CFAP57: variants seen among roughly 807,000 people sequenced by gnomAD.
CFAP57 encodes cilia and flagella associated protein 57.
CFAP57 carries 116 observed loss-of-function variants against 146.8 expected under a neutral mutation model. The ratio of observed to expected loss-of-function variants is 0.79; its 90% CI spans 0.68 to 0.92. The LOEUF is 0.92. Ranked by LOEUF, CFAP57 falls within the 40% of genes least tolerant of loss-of-function variation. CFAP57 has a pLI of 0.00. For missense variants in CFAP57, 1,377 were observed against 1,527.2 expected, an observed-to-expected ratio of 0.90 and a Z score of 1.64; for synonymous variants, 518 against 552.8, an observed-to-expected ratio of 0.94 and a Z score of 0.88.
At chr1:43,241,463 A>G (rs938877102) in intron 21 of CFAP57, among the ~76,000 whole-genome samples, 1 of 152,024 alleles carries the variant, frequency 6.6e-6, no homozygotes, top group Admixed American at 6.5e-5. Context: ...TGGGTTCCAC[A>G]GGTACCTCCC....
At chr1:43,241,824 T>C (rs1645936079) in intron 21 of CFAP57, among the ~76,000 whole-genome samples, 1 of 152,166 alleles carries the variant, frequency 6.6e-6, no homozygotes, top group African/African-American at 2.4e-5. Context: ...GAGGAACTGC[T>C]GTAGACAAGC....
At chr1:43,186,981 C>A (rs1231327102) in intron 6 of CFAP57, 122 bp downstream of exon 6, 1 of 1,130,620 alleles carries the variant, frequency 8.8e-7, no homozygotes, top group Non-Finnish European at 1.3e-6. Flanking sequence ...CCCCTTAATA[C>A]AGAGCAAAAC....
chr1:43,197,994 C>T (rs1643938009), intron 7 of CFAP57, among the ~76,000 whole-genome samples: 1 of 152,156 alleles, frequency 6.6e-6, no homozygotes, highest in African/African-American at 2.4e-5. Context: ...TCTCCTATCC[C>T]CTTGTTTCCC....
chr1:43,249,218 G>A lies in CFAP57; in HGVS notation c.3539-4759G>A, dbSNP rs1428809743. On this transcript the variant is annotated intron_variant, in intron 22 of 22. Transcript: ENST00000372492. ...TCCAGCCCATAACCCTTTCTTAATT[G>A]GAAATGACCCAGATACCCACATAGC... 2.6e-5 allele frequency among the ~76,000 whole-genome samples: 4 copies of A among 151,556 alleles called. No homozygotes were observed. The East Asian group carries it at 7.8e-4, about 29-fold the overall frequency.
chr1:43,204,862 A>G (rs1644291070), intron 9 of CFAP57, among the ~76,000 whole-genome samples: 2 of 152,146 alleles, frequency 1.3e-5, no homozygotes, highest in African/African-American at 2.4e-5. Flanking sequence ...GGGCATGCAC[A>G]GAGTCTTCCA....
intron 21 of CFAP57, among the ~76,000 whole-genome samples, chr1:43,236,647 C>G (rs1328682136): frequency 7.0e-6 from 1 of 143,134 alleles, no homozygotes; most frequent in Non-Finnish European, 1.5e-5. Flanking sequence ...CAGTGGCTCA[C>G]GCCTGTAATC....
rs1429576483 is a variant in CFAP57, at chr1:43,206,710, TCTC to T, written c.1543-7_1543-5del. ...ACACTCTTCACTGGATATGTCTTCC[TCTC>T]CTGCAGATTCGCTCAATTGTGTGGA... On this transcript the variant is annotated splice_region_variant and splice_polypyrimidine_tract_variant and intron_variant, in intron 9 of 22. Transcript: ENST00000372492. 1 of 1,607,688 alleles carries T rather than the reference TCTC, an allele frequency of 6.2e-7. No individual in the cohort carries two copies. The highest frequency in any genetic ancestry group is 1.8e-5 in the Admixed American group (1 of 54,348).
In CFAP57 at chr1:43,198,499, G is replaced by A. The variant is rs144486471; in HGVS notation, c.1281G>A (p.Lys427=). ...NYETNTLELF[K]EYQEEAYSIS... The stretch of plus-strand genomic sequence containing the variant: ...TTCACAGCACCCTGGAACTATTTAA[G>A]GAATACCAAGAAGAGGCATATTCCA... Residue 427 remains lysine, a synonymous_variant, in exon 8 of 23, where the codon AAG becomes AAA. Coordinates refer to ENST00000372492, the MANE Select transcript of CFAP57 (RefSeq NM_001378189.1). 6.2e-7 allele frequency: 1 copy of A among 1,613,880 alleles called. No homozygotes were observed. Among genetic ancestry groups the A allele is most frequent in the African/African-American group, 1.3e-5 (1 of 74,896 alleles).
chr1:43,203,040 G>A (rs889098149), intron 9 of CFAP57, among the ~76,000 whole-genome samples: 10 of 151,752 alleles, frequency 6.6e-5, no homozygotes, highest in African/African-American at 2.4e-4. Flanking sequence ...GAGCATGGTG[G>A]TGGGCACCTG....
intron 6 of CFAP57, among the ~76,000 whole-genome samples, chr1:43,192,875 C>T (rs1456474247): frequency 4.0e-5 from 6 of 151,796 alleles, no homozygotes; most frequent in African/African-American, 1.5e-4. Context: ...TGCGGTGAGC[C>T]GAGATCATGC....
intron 10 of CFAP57, 110 bp downstream of exon 10, chr1:43,207,042 C>A: frequency 9.3e-7 from 1 of 1,073,846 alleles, no homozygotes; most frequent in Non-Finnish European, 1.4e-6. Flanking sequence ...CATACAGGGC[C>A]CCTTCTTCCC....
chr1:43,185,913 G>C (rs911121612), intron 5 of CFAP57, among the ~76,000 whole-genome samples: 2 of 151,508 alleles, frequency 1.3e-5, no homozygotes, highest in South Asian at 4.2e-4. Context: ...TTGAGACTCT[G>C]TCTCAAAAAA....
chr1:43,197,906 A>G (rs1643933017), intron 7 of CFAP57, among the ~76,000 whole-genome samples: 2 of 152,246 alleles, frequency 1.3e-5, no homozygotes, highest in South Asian at 4.1e-4. Flanking sequence ...ACCACATGCT[A>G]GACACTGGGG....
At chr1:43,214,670 A>G (rs1644766770) in intron 11 of CFAP57, among the ~76,000 whole-genome samples, 1 of 152,136 alleles carries the variant, frequency 6.6e-6, no homozygotes, top group South Asian at 2.1e-4. Context: ...GTAAGTGTAT[A>G]TTCAGGTTTG....
chr1:43,195,302 T>C (rs1268298799), intron 6 of CFAP57, among the ~76,000 whole-genome samples: 1 of 151,976 alleles, frequency 6.6e-6, no homozygotes, highest in Non-Finnish European at 1.5e-5. Flanking sequence ...GGCGGGTGGA[T>C]CACAAGGTCA....
chr1:43,221,323 A>T, intron 13 of CFAP57, 49 bp from the exon 14 acceptor site: 1 of 1,373,618 alleles, frequency 7.3e-7, no homozygotes, highest in Non-Finnish European at 9.9e-7. Flanking sequence ...TTGCCCTAGT[A>T]GTGCTTTCAG....
intron 10 of CFAP57, among the ~76,000 whole-genome samples, chr1:43,208,819 AAT>A (rs927155739): frequency 2.0e-5 from 3 of 151,678 alleles, no homozygotes; most frequent in Admixed American, 6.6e-5. Flanking sequence ...AGAAAAAAAA[AAT>A]ATGTGTGTAG....
chr1:43,221,495 T>C, intron 14 of CFAP57, 30 bp downstream of exon 14: 1 of 1,454,876 alleles, frequency 6.9e-7, no homozygotes, highest in Non-Finnish European at 9.1e-7. Flanking sequence ...CCTCGTTGGT[T>C]AGGGTTGGAA....
chr1:43,172,433 T>C lies in CFAP57; in HGVS notation c.-40T>C. 6.4e-7 allele frequency: 1 copy of C among 1,550,550 alleles called. No homozygotes were observed. The highest frequency in any genetic ancestry group is 8.7e-7 in the Non-Finnish European group (1 of 1,146,526). ...GCCTCTGGATACATGCGTGGTCTGC[T>C]GACCCAGAGAGAAACGAAAGGTGGG... On this transcript the variant is annotated 5_prime_UTR_variant, in exon 1 of 23. Coordinates refer to ENST00000372492, the MANE Select transcript of CFAP57 (RefSeq NM_001378189.1).
Sources: allele counts gnomAD v4.1 joint callset (sites outside exome capture counted in the v4.1 genomes callset), GRCh38; gene constraint gnomAD v4.1.1; transcripts MANE v1.5; gene names NCBI Gene and HGNC (gene_info 2026-07-23, HGNC 2026-07-21).